The following VPS37A variants were observed in gnomAD, a reference collection of about 807,000 sequenced individuals.
VPS37A encodes the protein vacuolar protein sorting-associated protein 37A.
A neutral mutation model predicts 49.8 loss-of-function variants in VPS37A; 30 were observed. The ratio of observed to expected loss-of-function variants is 0.60; its 90% CI spans 0.45 to 0.82. The LOEUF (loss-of-function observed/expected upper bound fraction) is 0.82. Among genes scored for constraint, VPS37A ranks in the 40% least tolerant of loss-of-function variants. The pLI is 0.00. For synonymous variants in VPS37A, 195 were observed against 160.6 expected, an observed-to-expected ratio of 1.21 and a Z score of -1.62; for missense variants, 593 against 464.4, an observed-to-expected ratio of 1.28 and a Z score of -2.55.
At chr8:17,270,517 C>T (rs1303010916) in intron 4 of VPS37A, among the ~76,000 whole-genome samples, 1 of 152,092 alleles carries the variant, frequency 6.6e-6, no homozygotes, top group Non-Finnish European at 1.5e-5. Context: ...GAGAGCATTC[C>T]AACCAAGTGG....
the VPS37A span, among the ~76,000 whole-genome samples, chr8:17,317,480 T>C: frequency 3.3e-5 from 5 of 152,178 alleles, no homozygotes; most frequent in African/African-American, 1.2e-4. Context: ...CCCCTGTTTT[T>C]GGCCTGGAAT....
At chr8:17,273,653 A>G (rs1439178816) in intron 4 of VPS37A, among the ~76,000 whole-genome samples, 2 of 152,204 alleles carry the variant, frequency 1.3e-5, no homozygotes, top group Admixed American at 6.5e-5. Context: ...GGCGTGTATT[A>G]GGGTTTTATA....
the VPS37A span, among the ~76,000 whole-genome samples, chr8:17,328,860 C>G: frequency 4.2e-3 from 646 of 152,324 alleles, 5 homozygotes; most frequent in African/African-American, 0.015. Flanking sequence ...GCATCATTTT[C>G]TCTCCTTACG....
In VPS37A at chr8:17,273,972, A is replaced by G. The variant is rs534041029; in HGVS notation, c.417-761A>G. On this transcript the variant is annotated intron_variant, in intron 4 of 11. Transcript: ENST00000324849. ...CTTTACACTAGAGTGCCTGATCCAT[A>G]TAAACTCACTGTATTATTCATATAT... is the stretch of plus-strand genomic sequence containing the variant. 1.1e-4 allele frequency among the ~76,000 whole-genome samples: 17 copies of G among 152,312 alleles called. No homozygotes were observed. In the South Asian group the frequency reaches 1.4e-3, roughly 13 times the overall value.
intron 1 of VPS37A, among the ~76,000 whole-genome samples, chr8:17,251,154 G>T (rs1811939218): frequency 6.6e-6 from 1 of 152,140 alleles, no homozygotes; most frequent in African/African-American, 2.4e-5. Flanking sequence ...GATTGTTTAT[G>T]CCAGTGATGA....
chr8:17,275,026 C>G (rs1022286948), intron 5 of VPS37A, 68 bp downstream of exon 5: 39 of 1,408,216 alleles, frequency 2.8e-5, no homozygotes, highest in Non-Finnish European at 3.8e-5. Context: ...ACCTTTATTA[C>G]ATGCCTCTGT....
At chr8:17,301,981 G>C (rs1325684109), downstream of VPS37A, 5 of 773,176 alleles carry the variant, frequency 6.5e-6, no homozygotes, top group Admixed American at 9.1e-5. Flanking sequence ...TAAATGCCTA[G>C]GTTTGGGCTT....
chr8:17,254,981 G>A (rs538918777), intron 1 of VPS37A, among the ~76,000 whole-genome samples: 1 of 152,036 alleles, frequency 6.6e-6, no homozygotes, highest in African/African-American at 2.4e-5. Flanking sequence ...CAACACTGAG[G>A]AAAATGCATG....
chr8:17,292,712 C>A (rs1466023901), intron 11 of VPS37A, among the ~76,000 whole-genome samples: 5 of 152,156 alleles, frequency 3.3e-5, no homozygotes, highest in Admixed American at 6.5e-5. Flanking sequence ...TTCTCCTCCA[C>A]TTATGAAGCT....
chr8:17,308,628 T>A, the VPS37A span, among the ~76,000 whole-genome samples: 2 of 152,170 alleles, frequency 1.3e-5, no homozygotes, highest in Non-Finnish European at 2.9e-5. Context: ...CTATACCATT[T>A]AAGATTCAAA....
chr8:17,317,088 G>A, the VPS37A span, among the ~76,000 whole-genome samples: 2 of 152,130 alleles, frequency 1.3e-5, no homozygotes, highest in African/African-American at 4.8e-5. Flanking sequence ...TTTCTTCTCT[G>A]AATGTTGTTT....
chr8:17,326,766 G>A, the VPS37A span, among the ~76,000 whole-genome samples: 6 of 152,142 alleles, frequency 3.9e-5, no homozygotes, highest in African/African-American at 9.7e-5. Flanking sequence ...TGATGAGAAC[G>A]CAGCCCAGCT....
chr8:17,283,271 T>G (rs1170625450), intron 9 of VPS37A, among the ~76,000 whole-genome samples: 1 of 152,052 alleles, frequency 6.6e-6, no homozygotes, highest in Non-Finnish European at 1.5e-5. Context: ...TCCTCCCAAT[T>G]CATCCTCCCA....
Position 17,268,201 on chromosome 8 carries a change from A to G in VPS37A, c.201-57A>G, listed in dbSNP as rs200111789. 2,069 of 1,228,082 alleles carry G rather than the reference A, an allele frequency of 1.7e-3. 5 individuals are homozygous for G. The highest frequency in any genetic ancestry group is 1.5e-3 in the Non-Finnish European group (1,298 of 853,772). 76.1% of individuals were successfully genotyped at this position (1,228,082 alleles called of 1,614,324 possible). ...ATAGCTTTGTTTTAAGATTTTGACC[A>G]TATAATGTACCTTTGTTATCTTTGT... On this transcript the variant is annotated intron_variant, in intron 2 of 11. Transcript: ENST00000324849.
intron 5 of VPS37A, among the ~76,000 whole-genome samples, chr8:17,275,543 C>T (rs542105906): frequency 4.6e-5 from 7 of 152,166 alleles, no homozygotes; most frequent in Non-Finnish European, 1.0e-4. Context: ...GAAGAATGAT[C>T]ATGTGGGAGC....
intron 6 of VPS37A, among the ~76,000 whole-genome samples, chr8:17,278,875 T>G (rs1015435575): frequency 5.3e-5 from 8 of 152,104 alleles, no homozygotes; most frequent in African/African-American, 1.9e-4. Flanking sequence ...TTTTCTTTTC[T>G]TCTTTATTTT....
chr8:17,298,363 A>G (rs1331682763), downstream of VPS37A: 1 of 152,090 alleles, frequency 6.6e-6, no homozygotes, highest in Non-Finnish European at 1.5e-5. Context: ...TTTTTACATT[A>G]ACAGTACTTT....
At chr8:17,327,875 T>C in the VPS37A span, among the ~76,000 whole-genome samples, 1 of 152,330 alleles carries the variant, frequency 6.6e-6, no homozygotes, top group South Asian at 2.1e-4. Context: ...TGTTTACTCT[T>C]TTAAAAAATT....
At chr8:17,284,733 G>A (rs879571223) in intron 10 of VPS37A, 117 bp downstream of exon 10, 3 of 1,249,962 alleles carry the variant, frequency 2.4e-6, no homozygotes, top group Non-Finnish European at 3.2e-6. Flanking sequence ...CCCTTTTTTT[G>A]TACAATATAT....
Sources: allele counts gnomAD v4.1 joint callset (sites outside exome capture counted in the v4.1 genomes callset), GRCh38; gene constraint gnomAD v4.1.1; transcripts MANE v1.5; gene names NCBI Gene and HGNC (gene_info 2026-07-23, HGNC 2026-07-21).